Variants in MYO16 observed in about 807,000 individuals in gnomAD.
MYO16 encodes the protein unconventional myosin-XVI.
MYO16 carries 94 observed loss-of-function variants against 205.3 expected under a neutral mutation model. That is an observed-to-expected ratio of 0.46 (90% CI 0.39 to 0.54). The LOEUF (loss-of-function observed/expected upper bound fraction) is 0.54. Ranked by LOEUF, MYO16 falls within the 20% of genes least tolerant of loss-of-function variation. MYO16 has a pLI of 0.00. For synonymous variants in MYO16, 988 were observed against 954.0 expected, an observed-to-expected ratio of 1.04 and a Z score of -0.66; for missense variants, 2,315 against 2,387.5, an observed-to-expected ratio of 0.97 and a Z score of 0.63.
rs978836672 is a variant in MYO16 at position 108,757,341 on chromosome 13, T to C, written c.508-28294T>C. 2.0e-5 allele frequency among the ~76,000 whole-genome samples: 3 copies of C among 152,208 alleles called. No individual in the cohort carries two copies. The South Asian group carries it at 6.2e-4, about 31-fold the overall frequency. ...AGTTGTCTACGGAATATTTTATTCC[T>C]AATGCGGGAGAATCATTTATAACAG... is the stretch of plus-strand genomic sequence containing the variant. On this transcript the variant is annotated intron_variant, in intron 4 of 34. Transcript: ENST00000457511.
At chr13:108,503,875 A>T in the MYO16 span, among the ~76,000 whole-genome samples, 1 of 152,164 alleles carries the variant, frequency 6.6e-6, no homozygotes. Flanking sequence ...GATAAAATTA[A>T]TATGAGAGTT....
chr13:108,707,255 C>T (rs1412987247), intron 2 of MYO16, among the ~76,000 whole-genome samples: 4 of 152,056 alleles, frequency 2.6e-5, no homozygotes, highest in Admixed American at 2.6e-4. Context: ...GCTGTCTATG[C>T]TTCTCAGTAT....
chr13:108,966,167 TGTA>T (rs561427781), intron 20 of MYO16, among the ~76,000 whole-genome samples: 1,822 of 152,296 alleles, frequency 0.012, 17 homozygotes, highest in Non-Finnish European at 0.018. Context: ...GCAGAAATAT[TGTA>T]GTATTTACTA....
chr13:108,580,578 T>C, the MYO16 span, among the ~76,000 whole-genome samples: 1 of 152,368 alleles, frequency 6.6e-6, no homozygotes, highest in African/African-American at 2.4e-5. Flanking sequence ...TAGTAACAAC[T>C]CTGTCTTTGT....
intron 4 of MYO16, among the ~76,000 whole-genome samples, chr13:108,729,261 C>T (rs552080926): frequency 6.6e-6 from 1 of 152,038 alleles, no homozygotes; most frequent in African/African-American, 2.4e-5. Flanking sequence ...TTGAAAAAAA[C>T]TATAAAATAT....
intron 4 of MYO16, among the ~76,000 whole-genome samples, chr13:108,743,399 T>G (rs1038257856): frequency 1.3e-5 from 2 of 152,216 alleles, no homozygotes; most frequent in African/African-American, 4.8e-5. Context: ...TTAAGTAGTT[T>G]TGTTTTTGAA....
chr13:108,708,991 C>T (rs895216150), intron 2 of MYO16, among the ~76,000 whole-genome samples: 1 of 150,744 alleles, frequency 6.6e-6, no homozygotes, highest in Non-Finnish European at 1.5e-5. Context: ...TCAAATCATG[C>T]CCCCCCACCC....
rs1436143223 is a variant in MYO16, at chr13:108,863,390, A to AT, written c.1360-2781dup. 3.3e-5 allele frequency among the ~76,000 whole-genome samples: 5 copies of AT among 152,196 alleles called. 1 individual carries two copies. The highest frequency in any genetic ancestry group is 7.4e-5 in the Non-Finnish European group (5 of 67,954). Reference sequence around the variant, plus strand: ...CATTATATTCATGATTTTCAAAGTTATTTTTTAATCAATAATGAGCATTGG... The same window carrying AT: ...CATTATATTCATGATTTTCAAAGTTATTTTTTTAATCAATAATGAGCATTGG... On this transcript the variant is annotated intron_variant, in intron 11 of 34. Coordinates refer to ENST00000457511, the MANE Select transcript of MYO16 (RefSeq NM_001198950.3).
At chr13:108,889,541 G>C (rs1355435856) in intron 14 of MYO16, among the ~76,000 whole-genome samples, 3 of 152,130 alleles carry the variant, frequency 2.0e-5, no homozygotes, top group Admixed American at 6.5e-5. Flanking sequence ...GGCTAACAGT[G>C]GGGGGAACAG....
At chr13:109,022,754 A>T (rs542702822) in intron 23 of MYO16, among the ~76,000 whole-genome samples, 1 of 130,700 alleles carries the variant, frequency 7.7e-6, no homozygotes, top group East Asian at 2.1e-4. Flanking sequence ...ATGCATATAA[A>T]CACATGTATA....
intron 11 of MYO16, among the ~76,000 whole-genome samples, chr13:108,861,965 T>A (rs1331808929): frequency 6.6e-6 from 1 of 152,210 alleles, no homozygotes; most frequent in East Asian, 1.9e-4. Flanking sequence ...GGGTTCATAC[T>A]TTTTGTGACC....
intron 14 of MYO16, among the ~76,000 whole-genome samples, chr13:108,893,863 G>T (rs1004311697): frequency 2.6e-5 from 4 of 152,112 alleles, no homozygotes; most frequent in African/African-American, 9.7e-5. Context: ...CTCATTGGGG[G>T]TCATTTGGAT....
chr13:108,695,286 C>T (rs1219793070), intron 2 of MYO16, among the ~76,000 whole-genome samples: 2 of 152,134 alleles, frequency 1.3e-5, no homozygotes, highest in African/African-American at 4.8e-5. Context: ...ACACTTCCTT[C>T]CTCATTGAAT....
chr13:108,792,226 G>C (rs1365840170), intron 5 of MYO16, among the ~76,000 whole-genome samples: 3 of 152,192 alleles, frequency 2.0e-5, no homozygotes, highest in African/African-American at 7.2e-5. Flanking sequence ...GGTGAAGTCA[G>C]ACTGTGGATT....
chr13:108,686,243 T>C (rs1451542893), intron 2 of MYO16, among the ~76,000 whole-genome samples: 1 of 152,196 alleles, frequency 6.6e-6, no homozygotes, highest in East Asian at 1.9e-4. Flanking sequence ...CAGCTGGTGA[T>C]GTGTGGTCAA....
At chr13:108,846,960 TATTA>T (rs1327111098) in intron 10 of MYO16, among the ~76,000 whole-genome samples, 4 of 152,156 alleles carry the variant, frequency 2.6e-5, no homozygotes, top group African/African-American at 9.7e-5. Flanking sequence ...TTTCAAGCTG[TATTA>T]ATTAGGTGTT....
chr13:108,706,119 ACT>A (rs1016323589), intron 2 of MYO16, among the ~76,000 whole-genome samples: 3 of 152,214 alleles, frequency 2.0e-5, no homozygotes, highest in African/African-American at 7.2e-5. Flanking sequence ...TTTCGTAATA[ACT>A]CCAACCAACA....
intron 5 of MYO16, among the ~76,000 whole-genome samples, chr13:108,792,488 GT>G: frequency 6.8e-6 from 1 of 146,658 alleles, no homozygotes; most frequent in Non-Finnish European, 1.5e-5. Flanking sequence ...TTTATTCATA[GT>G]TTTCCAGTTT....
intron 3 of MYO16, among the ~76,000 whole-genome samples, chr13:108,715,703 G>A (rs1422545196): frequency 6.6e-6 from 1 of 152,160 alleles, no homozygotes; most frequent in African/African-American, 2.4e-5. Flanking sequence ...TGATTGCAGT[G>A]GACTGGAGAG....
Sources: allele counts gnomAD v4.1 joint callset (sites outside exome capture counted in the v4.1 genomes callset), GRCh38; gene constraint gnomAD v4.1.1; transcripts MANE v1.5; gene names NCBI Gene and HGNC (gene_info 2026-07-23, HGNC 2026-07-21).